ZMYND19: variants seen among roughly 807,000 people sequenced by gnomAD.
ZMYND19 encodes zinc finger MYND-type containing 19.
ZMYND19 carries 17 observed loss-of-function variants against 32.0 expected under a neutral mutation model. That is an observed-to-expected ratio of 0.53 (90% CI 0.36 to 0.80). The LOEUF is 0.80. ZMYND19 is among the 30% of genes least tolerant of loss of function. The probability of loss-of-function intolerance (pLI) is 0.00; values close to 1 mark genes in which losing one functional copy is unlikely to be tolerated. For missense variants in ZMYND19, 250 were observed against 293.6 expected (o/e 0.85, Z 1.09); for synonymous variants, 124 against 113.6 (o/e 1.09, Z -0.58).
intron 4 of ZMYND19, among the ~76,000 whole-genome samples, chr9:137,583,489 C>T (rs1192451819): frequency 6.6e-6 from 1 of 152,210 alleles, no homozygotes; most frequent in Non-Finnish European, 1.5e-5. Context: ...CCTTGACCTG[C>T]AGAGGTGCCC....
chr9:137,588,742 A>C, intron 1 of ZMYND19, 24 bp from the exon 2 acceptor site: 3 of 1,614,042 alleles, frequency 1.9e-6, no homozygotes, highest in South Asian at 2.2e-5. Flanking sequence ...ACATGTTTCA[A>C]ATCATTACAT....
chr9:137,587,598 G>A (rs961393115), intron 3 of ZMYND19, 119 bp downstream of exon 3: 11 of 836,218 alleles, frequency 1.3e-5, no homozygotes, highest in Admixed American at 4.3e-5. Flanking sequence ...AAATAACTGC[G>A]AGATTCAGGG....
Position 137,590,105 on chromosome 9 carries a change from C to G in ZMYND19, c.51+108G>C, listed in dbSNP as rs1043447326. The G allele has an allele frequency of 3.1e-6, 3 of 982,572 alleles. No homozygotes were observed. The African/African-American group carries it at 5.3e-5, about 17-fold the overall frequency. The allele number at this position is 982,572 out of a possible 1,614,324, so 60.9% of individuals were successfully genotyped here. A position where few individuals can be genotyped will look rare whatever the true frequency, so the allele number is the denominator to read the frequency against. On this transcript the variant is annotated intron_variant, in intron 1 of 5. Transcript: ENST00000298585. The surrounding 1 kb of genome is among the most constrained non-coding windows in gnomAD (Gnocchi z 4.2). ...GTCCCCCGCCCCGCTGGGGCCCATC[C>G]CGGGCTCCGCGCCCCCGCCCCGGCC...
In ZMYND19 at chr9:137,590,461, G is replaced by GCGCCGCCGCCGCCGCCGC. The variant is rs905828783; in HGVS notation, c.-216_-199dup. On this transcript the variant is annotated 5_prime_UTR_variant, in exon 1 of 6. Coordinates refer to ENST00000298585, the MANE Select transcript of ZMYND19 (RefSeq NM_138462.3). This position sits in a 1 kb window ranked among gnomAD's most constrained non-coding sequence, Gnocchi z 4.2. ...GCCTCGCGCCCGCCGGACCTGCCACGCGCCGCCGCCGCCGCCGCCACCGCC... is the reference window on the plus strand; with the variant it reads ...GCCTCGCGCCCGCCGGACCTGCCACGCGCCGCCGCCGCCGCCGCCGCCGCCGCCGCCGCCGCCACCGCC... 1 of 176,214 alleles carries GCGCCGCCGCCGCCGCCGC rather than the reference G, an allele frequency of 5.7e-6. No homozygotes were observed. Among genetic ancestry groups the GCGCCGCCGCCGCCGCCGC allele is most frequent in the African/African-American group, 2.4e-5 (1 of 41,110 alleles). 10.9% of individuals were successfully genotyped at this position (176,214 alleles called of 1,614,324 possible).
intron 2 of ZMYND19, 78 bp downstream of exon 2, chr9:137,588,581 G>C: frequency 6.6e-7 from 1 of 1,524,986 alleles, no homozygotes; most frequent in Non-Finnish European, 9.1e-7. Flanking sequence ...TGCAGCACAG[G>C]GGAGAGAGCT....
rs1207556765 is a variant in ZMYND19 at position 137,590,037 on chromosome 9, G to A, written c.51+176C>T. 2.3e-5 allele frequency: 23 copies of A among 984,614 alleles called. No homozygotes were observed. The highest frequency in any genetic ancestry group is 2.3e-4 in the East Asian group (2 of 8,774). 61.0% of individuals were successfully genotyped at this position (984,614 alleles called of 1,614,324 possible). A position where few individuals can be genotyped will look rare whatever the true frequency, so the allele number is the denominator to read the frequency against. On this transcript the variant is annotated intron_variant, in intron 1 of 5. Coordinates refer to ENST00000298585, the MANE Select transcript of ZMYND19 (RefSeq NM_138462.3). This position sits in a 1 kb window ranked among gnomAD's most constrained non-coding sequence, Gnocchi z 4.2. ...GGTGCGTGCCCGCCGGCCTGCGAGA[G>A]GAAGCTGCACCCGCGCGGGGCCAGC... is the stretch of plus-strand genomic sequence containing the variant.
At chr9:137,586,475 C>G (rs1404491272) in intron 4 of ZMYND19, among the ~76,000 whole-genome samples, 1 of 145,738 alleles carries the variant, frequency 6.9e-6, no homozygotes, top group African/African-American at 2.6e-5. Context: ...GAAGGAATCC[C>G]GAGGTGAGAG....
At chr9:137,585,578 ACTTCAGGCTCTGC>A (rs1842195449) in intron 4 of ZMYND19, among the ~76,000 whole-genome samples, 1 of 152,102 alleles carries the variant, frequency 6.6e-6, no homozygotes, top group Non-Finnish European at 1.5e-5. Flanking sequence ...AACGAAAGAC[ACTTCAGGCTCTGC>A]CTTCGTCCTG....
rs1842256143 is a variant in ZMYND19 at position 137,590,145 on chromosome 9, C to CCCCCGGCCCCG, written c.51+67_51+68insCGGGGCCGGGG. ...CCGCCCCGGCCGCCGCCCGCACAACCGCCCCCGGCCCCGCGCGGAGGCCTG... is the reference window on the plus strand; with the variant it reads ...CCGCCCCGGCCGCCGCCCGCACAACCCCCCGGCCCCGGCCCCCGGCCCCGCGCGGAGGCCTG... On this transcript the variant is annotated intron_variant, in intron 1 of 5. Coordinates refer to ENST00000298585, the MANE Select transcript of ZMYND19 (RefSeq NM_138462.3). This position sits in a 1 kb window ranked among gnomAD's most constrained non-coding sequence, Gnocchi z 4.2. 1 of 985,434 alleles carries CCCCCGGCCCCG rather than the reference C, an allele frequency of 1.0e-6. No homozygotes were observed. The highest frequency in any genetic ancestry group is 1.8e-5 in the African/African-American group (1 of 56,180). The allele number at this position is 985,434 out of a possible 1,614,324, so 61.0% of individuals were successfully genotyped here. A position where few individuals can be genotyped will look rare whatever the true frequency, so the allele number is the denominator to read the frequency against.
chr9:137,590,049 C>T lies in ZMYND19; in HGVS notation c.51+164G>A, dbSNP rs1178762516. 1.0e-6 allele frequency: 1 copy of T among 983,736 alleles called. No homozygotes were observed. Among genetic ancestry groups the T allele is most frequent in the African/African-American group, 1.7e-5 (1 of 57,214 alleles). The allele number at this position is 983,736 out of a possible 1,614,324, so 60.9% of individuals were successfully genotyped here. A position where few individuals can be genotyped will look rare whatever the true frequency, so the allele number is the denominator to read the frequency against. On this transcript the variant is annotated intron_variant, in intron 1 of 5. Coordinates refer to ENST00000298585, the MANE Select transcript of ZMYND19 (RefSeq NM_138462.3). This position sits in a 1 kb window ranked among gnomAD's most constrained non-coding sequence, Gnocchi z 4.2. Reference sequence around the variant, plus strand: ...CCGGCCTGCGAGAGGAAGCTGCACCCGCGCGGGGCCAGCAGCCGGGCCCGC... The same window carrying T: ...CCGGCCTGCGAGAGGAAGCTGCACCTGCGCGGGGCCAGCAGCCGGGCCCGC...
In ZMYND19 at chr9:137,582,416, G is replaced by A; in HGVS notation, c.*127C>T. 3 of 1,348,604 alleles carry A rather than the reference G, an allele frequency of 2.2e-6. No individual in the cohort carries two copies. Among genetic ancestry groups the A allele is most frequent in the Non-Finnish European group, 3.0e-6 (3 of 1,000,344 alleles). The allele number at this position is 1,348,604 out of a possible 1,614,324, so 83.5% of individuals were successfully genotyped here. On this transcript the variant is annotated 3_prime_UTR_variant, in exon 6 of 6. Transcript: ENST00000298585. ...ACACAGACTGCCTGTGACATCGGGA[G>A]TCTCACGGCAGCTGTCCTGGGCCCG... is the stretch of plus-strand genomic sequence containing the variant.
intron 5 of ZMYND19, 117 bp from the exon 6 acceptor site, chr9:137,582,803 GGGCCTGGGCCCTGGTCA>G: frequency 6.6e-7 from 1 of 1,518,732 alleles, no homozygotes; most frequent in East Asian, 2.3e-5. Context: ...CAAGGCTGGA[GGGCCTGGGCCCTGGTCA>G]GGCCAGCACA....
chr9:137,590,005 G>A lies in ZMYND19; in HGVS notation c.51+208C>T, dbSNP rs1842253609. 3.0e-6 allele frequency: 3 copies of A among 985,150 alleles called. No homozygotes were observed. Among genetic ancestry groups the A allele is most frequent in the Middle Eastern group, 5.2e-4 (1 of 1,912 alleles). 61.0% of individuals were successfully genotyped at this position (985,150 alleles called of 1,614,324 possible). The stretch of plus-strand genomic sequence containing the variant: ...CGAGGGTGGCCAGGTGCACCCCAGA[G>A]CCGAGGGGTGCGTGCCCGCCGGCCT... On this transcript the variant is annotated intron_variant, in intron 1 of 5. Transcript: ENST00000298585. The surrounding 1 kb of genome is among the most constrained non-coding windows in gnomAD (Gnocchi z 4.2).
chr9:137,587,934 A>C, intron 2 of ZMYND19, 111 bp from the exon 3 acceptor site: 1 of 1,087,896 alleles, frequency 9.2e-7, no homozygotes, highest in Non-Finnish European at 1.4e-6. Context: ...GACAAATGCC[A>C]GCCCTGTCCC....
intron 2 of ZMYND19, 148 bp from the exon 3 acceptor site, chr9:137,587,971 C>A: frequency 2.6e-6 from 2 of 771,120 alleles, no homozygotes; most frequent in East Asian, 2.5e-5. Flanking sequence ...GCAGAGCTTC[C>A]CACAGGCACA....
At chr9:137,587,336 C>A in intron 3 of ZMYND19, 1 of 704,772 alleles carries the variant, frequency 1.4e-6, no homozygotes, top group Non-Finnish European at 2.3e-6. Flanking sequence ...GACCCGGCCC[C>A]TGGACTTCAG....
At chr9:137,589,556 G>A (rs1175087521) in intron 1 of ZMYND19, 7 of 985,350 alleles carry the variant, frequency 7.1e-6, no homozygotes, top group Non-Finnish European at 4.8e-6. Flanking sequence ...GCCCACAGGT[G>A]CCATGGAATC....
intron 4 of ZMYND19, 116 bp downstream of exon 4, chr9:137,586,851 C>T (rs1460728584): frequency 6.4e-5 from 89 of 1,381,608 alleles, no homozygotes; most frequent in Non-Finnish European, 3.0e-6. Flanking sequence ...CCAAAATACA[C>T]AGAAGCATCA....
chr9:137,587,085 C>T lies in ZMYND19; in HGVS notation c.241G>A (p.Ala81Thr), dbSNP rs1344150982. The T allele has an allele frequency of 1.2e-6, 2 of 1,607,392 alleles. No individual in the cohort carries two copies. The highest frequency in any genetic ancestry group is 8.5e-7 in the Non-Finnish European group (1 of 1,179,988). Residue 81 changes from alanine (A) to threonine (T), a missense_variant, in exon 4 of 6, where the codon GCC (alanine) becomes ACC (threonine). Physicochemically the swap from Ala to Thr is moderately conservative, Grantham distance 58. Transcript: ENST00000298585. ...AGGTGCACCACCTGGAAGCCCGGGG[C>T]CACGCCCCCCCGGTGCCGCTCCCTA... is the stretch of plus-strand genomic sequence containing the variant. ...LLWERHRGGVAPGFQVVHLNA... is the reference protein window; with the variant it reads ...LLWERHRGGVTPGFQVVHLNA...
Sources: gnomAD v4.1 joint callset for allele counts (sites outside exome capture counted in the v4.1 genomes callset) on GRCh38, gnomAD v4.1.1 for gene constraint, Gnocchi (gnomAD v3.1) non-coding constraint, MANE v1.5 for transcripts, NCBI Gene and HGNC (gene_info 2026-07-23, HGNC 2026-07-21) for gene names.